PASK: variants seen among roughly 807,000 people sequenced by gnomAD.
The protein encoded by PASK is PAS domain containing serine/threonine kinase.
Under a neutral mutation model 121.0 loss-of-function variants are expected in PASK, and 110 were observed. The ratio of observed to expected loss-of-function variants is 0.91; its 90% confidence interval spans 0.78 to 1.06. PASK has a LOEUF of 1.06. Ranked by LOEUF, PASK falls within the 50% of genes least tolerant of loss-of-function variation. The probability of loss-of-function intolerance (pLI) is 0.00; values close to 1 mark genes in which losing one functional copy is unlikely to be tolerated. For missense variants in PASK, 1,643 were observed against 1,702.3 expected (o/e 0.97, Z 0.61); for synonymous variants, 686 against 717.8 (o/e 0.96, Z 0.71).
At chr2:241,146,118 C>T (rs983270123) in intron 1 of PASK, among the ~76,000 whole-genome samples, 1 of 152,100 alleles carries the variant, frequency 6.6e-6, no homozygotes, top group Non-Finnish European at 1.5e-5. Context: ...TTAAAAGACA[C>T]ATGGCCCAAT....
chr2:241,114,024 T>G, intron 14 of PASK: 1 of 982,958 alleles, frequency 1.0e-6, no homozygotes, highest in Non-Finnish European at 1.2e-6. Context: ...CATAATTATG[T>G]GTCTCACTAG....
chr2:241,122,297 T>C (rs1045882044), intron 12 of PASK, among the ~76,000 whole-genome samples: 2 of 152,142 alleles, frequency 1.3e-5, no homozygotes, highest in Admixed American at 6.5e-5. Flanking sequence ...AAATAGATTA[T>C]AAATAAGAAA....
chr2:241,110,590 C>G (rs961073103), intron 15 of PASK, among the ~76,000 whole-genome samples: 1 of 152,164 alleles, frequency 6.6e-6, no homozygotes, highest in African/African-American at 2.4e-5. Flanking sequence ...GGAGCCACAG[C>G]TCTGGGAGGC....
chr2:241,149,696 G>A, upstream of PASK: 1 of 1,550,990 alleles, frequency 6.4e-7, no homozygotes, highest in Non-Finnish European at 8.7e-7. Context: ...CTCCCGACTC[G>A]CGATCAAAAT....
chr2:241,126,451 G>T lies in PASK; in HGVS notation c.2464C>A (p.Pro822Thr). The T allele has an allele frequency of 6.2e-7, 1 of 1,614,222 alleles. No homozygotes were observed. Among genetic ancestry groups the T allele is most frequent in the Non-Finnish European group, 8.5e-7 (1 of 1,180,050 alleles). Residue 822 changes from proline to threonine, a missense_variant, in exon 10 of 18, where the codon CCA becomes ACA. Physicochemically the swap from Pro to Thr is conservative, Grantham distance 38. This residue lies in a region of PASK where 1,176 missense variants were observed against 1,162.2 expected (regional missense o/e 1.01). Coordinates refer to ENST00000234040, the MANE Select transcript of PASK (RefSeq NM_015148.4). ...AAACAAACCTCAAGCGGTTCTGTTG[G>T]ATCATGTCCCACACAGCTCTCCCGG... ...RFRESCVGHD[P>T]TEPLEVCLVS...
chr2:241,127,803 C>G, intron 9 of PASK: 1 of 373,446 alleles, frequency 2.7e-6, no homozygotes, highest in South Asian at 2.2e-5. Context: ...AGGGGAAGTC[C>G]GTGCTGCTGC....
chr2:241,146,925 A>G (rs573167805), intron 1 of PASK, among the ~76,000 whole-genome samples: 11 of 152,342 alleles, frequency 7.2e-5, no homozygotes, highest in African/African-American at 2.6e-4. Flanking sequence ...CAAAAAATTC[A>G]GAGACATTCA....
At position 241,108,637 on chromosome 2, in the gene PASK, T is replaced by TGCTGAGGGCCACGGGA. The variant is rs1306565275; in HGVS notation, c.3534-353_3534-338dup. 2.5e-6 allele frequency: 1 copy of TGCTGAGGGCCACGGGA among 400,976 alleles called. No homozygotes were observed. The highest frequency in any genetic ancestry group is 2.1e-5 in the African/African-American group (1 of 48,330). The allele number at this position is 400,976 out of a possible 1,614,324, so 24.8% of individuals were successfully genotyped here. A position where few individuals can be genotyped will look rare whatever the true frequency, so the allele number is the denominator to read the frequency against. On this transcript the variant is annotated intron_variant, in intron 15 of 17. Transcript: ENST00000234040. This position sits in a 1 kb window ranked among gnomAD's most constrained non-coding sequence, Gnocchi z 5.2. ...AAGCAGAGTACACGTCCATTGGCTT[T>TGCTGAGGGCCACGGGA]GCTGAGGGCCACGGGAGCTGCAGGC...
chr2:241,106,686 C>T lies in PASK; in HGVS notation c.3852G>A (p.Gly1284=). The T allele has an allele frequency of 1.2e-6, 2 of 1,614,182 alleles. No homozygotes were observed. Among genetic ancestry groups the T allele is most frequent in the Non-Finnish European group, 8.5e-7 (1 of 1,179,984 alleles). Residue 1284 remains glycine, a synonymous_variant, in exon 18 of 18, where the codon GGG becomes GGA. Transcript: ENST00000234040. ...GGGCCACATCACTCAGGCTCCTGTT[C>T]CCCATCTCCAGGCTCGCAGCGGACA... The part of the protein sequence containing the change: ...GVLSAASLEM[G]NRSLSDVAQA...
In PASK at chr2:241,133,013, C is replaced by T. The variant is rs112438433; in HGVS notation, c.1324G>A (p.Val442Met). Residue 442 changes from valine (V) to methionine (M), a missense_variant, in exon 9 of 18, where the codon GTG becomes ATG. Physicochemically the swap from Val to Met is conservative, Grantham distance 21. Around this residue, in one of 3 missense-constraint regions of PASK, gnomAD observed 1,176 missense variants for 1,162.2 expected, o/e 1.01. Transcript: ENST00000234040. ...EGGQDPRINV[V>M]LAGGHVVPRD... is the part of the protein sequence containing the mutation. ...GGCACAACGTGGCCACCAGCAAGCA[C>T]GACATTAATCCTTGGATCTGGCAGC... 71 of 1,614,028 alleles carry T rather than the reference C, an allele frequency of 4.4e-5. No individual in the cohort carries two copies. Among genetic ancestry groups the T allele is most frequent in the African/African-American group, 1.9e-4 (14 of 74,906 alleles).
At chr2:241,127,751 A>AC (rs933451481) in intron 9 of PASK, 25 of 397,118 alleles carry the variant, frequency 6.3e-5, no homozygotes, top group African/African-American at 5.0e-4. Context: ...GGGCCCCCAA[A>AC]CCCCCCGTCA....
upstream of PASK, chr2:241,150,177 A>T: frequency 7.9e-7 from 1 of 1,269,086 alleles, no homozygotes; most frequent in South Asian, 2.4e-5. Context: ...GCGTCTCTCC[A>T]CTCTGCCTAG....
chr2:241,132,657 C>T (rs1407691310), intron 9 of PASK, among the ~76,000 whole-genome samples: 1 of 151,912 alleles, frequency 6.6e-6, no homozygotes, highest in African/African-American at 2.4e-5. Context: ...GACAGTAACA[C>T]CATGGTGCCC....
In PASK at chr2:241,115,426, CAG is replaced by C; in HGVS notation, c.3073-15_3073-14del. 6.2e-7 allele frequency: 1 copy of C among 1,613,742 alleles called. No individual in the cohort carries two copies. Among genetic ancestry groups the C allele is most frequent in the East Asian group, 2.2e-5 (1 of 44,886 alleles). On this transcript the variant is annotated splice_polypyrimidine_tract_variant and intron_variant, in intron 12 of 17. Coordinates refer to ENST00000234040, the MANE Select transcript of PASK (RefSeq NM_015148.4). Reference sequence around the variant, plus strand: ...ACTTCACCACCACCTGTGAGGAAGACAGAGCGTAGTGGAAATAGCTGGAGCCA... The same window carrying C: ...ACTTCACCACCACCTGTGAGGAAGACAGCGTAGTGGAAATAGCTGGAGCCA...
Position 241,108,243 on chromosome 2 carries a change from G to T in PASK, c.3591C>A (p.Val1197=). The change falls in exon 16 of 18, where the codon GTC becomes GTA. Residue 1197 remains valine, a synonymous_variant. Transcript: ENST00000234040. This position sits in a 1 kb window ranked among gnomAD's most constrained non-coding sequence, Gnocchi z 5.2. Reference sequence around the variant, plus strand: ...GCTCACAGAAGGGGTTCTCCTCAAAGACCAGCGTGTACAGAGTGACTCCCA... The same window carrying T: ...GCTCACAGAAGGGGTTCTCCTCAAATACCAGCGTGTACAGAGTGACTCCCA... ...WSLGVTLYTL[V]FEENPFCELE... 1 of 1,613,936 alleles carries T rather than the reference G, an allele frequency of 6.2e-7. No homozygotes were observed. Among genetic ancestry groups the T allele is most frequent in the Non-Finnish European group, 8.5e-7 (1 of 1,179,826 alleles).
intron 14 of PASK, chr2:241,114,778 T>C: frequency 7.1e-7 from 1 of 1,410,996 alleles, no homozygotes. Flanking sequence ...ATTTTATGTA[T>C]GTAAATAAAC....
chr2:241,137,342 G>A lies in PASK; in HGVS notation c.877-78C>T, dbSNP rs1002777056. 45 of 1,162,808 alleles carry A rather than the reference G, an allele frequency of 3.9e-5. No homozygotes were observed. In the African/African-American group the frequency reaches 4.5e-4, roughly 12 times the overall value. 72.0% of individuals were successfully genotyped at this position (1,162,808 alleles called of 1,614,324 possible). On this transcript the variant is annotated intron_variant, in intron 6 of 17. Coordinates refer to ENST00000234040, the MANE Select transcript of PASK (RefSeq NM_015148.4). ...ACTGAGTCTGTGCTGCGTCCGACCC[G>A]ACTTCTACCCCACGTCATCGGGGAA...
intron 12 of PASK, among the ~76,000 whole-genome samples, chr2:241,119,759 C>A (rs11893543): frequency 0.21 from 32,002 of 152,016 alleles, 5,879 homozygotes; most frequent in African/African-American, 0.48. Context: ...CATGAGCCAC[C>A]GCGCCCGGCC....
chr2:241,124,855 T>C (rs991859858), intron 10 of PASK, among the ~76,000 whole-genome samples: 1 of 152,222 alleles, frequency 6.6e-6, no homozygotes, highest in Non-Finnish European at 1.5e-5. Flanking sequence ...GCTAAAATAA[T>C]GTGGACCTAT....
Sources: gnomAD v4.1 joint callset for allele counts (sites outside exome capture counted in the v4.1 genomes callset) on GRCh38, gnomAD v4.1.1 for gene constraint, gnomAD v4.1.1 regional missense constraint, Gnocchi (gnomAD v3.1) non-coding constraint, MANE v1.5 for transcripts, NCBI Gene and HGNC (gene_info 2026-07-23, HGNC 2026-07-21) for gene names.